The following WDHD1 variants were observed in gnomAD, a reference collection of about 807,000 sequenced individuals.
The protein encoded by WDHD1 is WD repeat and HMG-box DNA-binding protein 1.
Under a neutral mutation model 135.4 loss-of-function variants are expected in WDHD1, and 111 were observed. That is an observed-to-expected ratio of 0.82 (90% CI 0.70 to 0.96). The LOEUF is 0.96. Among genes scored for constraint, WDHD1 ranks in the 40% least tolerant of loss-of-function variants. The pLI is 0.00. For synonymous variants in WDHD1, 434 were observed against 439.0 expected (o/e 0.99, Z 0.14); for missense variants, 1,351 against 1,336.3 (o/e 1.01, Z -0.17).
intron 11 of WDHD1, among the ~76,000 whole-genome samples, chr14:54,993,025 G>C (rs1227593880): frequency 1.3e-5 from 2 of 152,266 alleles, no homozygotes; most frequent in Non-Finnish European, 2.9e-5. Context: ...ATAAACTTCA[G>C]TGAACCAATA....
In WDHD1 at chr14:54,996,948, T is replaced by C. The variant is rs113647648; in HGVS notation, c.943-1135A>G. Among the ~76,000 whole-genome samples the C allele has an allele frequency of 2.3e-3, 349 of 151,310 alleles. 2 individuals carry two copies. The highest frequency in any genetic ancestry group is 7.3e-3 in the African/African-American group (300 of 41,200). On this transcript the variant is annotated intron_variant, in intron 10 of 25. Transcript: ENST00000360586. ...CTGGGACTACAGGCGCATGCCACCATGCCCAGCTAATTTTTGTATTTTTAG... is the reference window on the plus strand; with the variant it reads ...CTGGGACTACAGGCGCATGCCACCACGCCCAGCTAATTTTTGTATTTTTAG...
chr14:54,951,848 A>C (rs1187691370), intron 24 of WDHD1, among the ~76,000 whole-genome samples: 1 of 152,228 alleles, frequency 6.6e-6, no homozygotes, highest in Non-Finnish European at 1.5e-5. Context: ...TCGCAAATAA[A>C]TAAACGTAAT....
intron 24 of WDHD1, among the ~76,000 whole-genome samples, chr14:54,949,579 C>G (rs1052870493): frequency 2.0e-5 from 3 of 152,212 alleles, no homozygotes; most frequent in Admixed American, 1.3e-4. Flanking sequence ...AAACACTCTG[C>G]AGGATACTAT....
intron 21 of WDHD1, among the ~76,000 whole-genome samples, chr14:54,959,221 A>G (rs2041208313): frequency 6.6e-6 from 1 of 151,954 alleles, no homozygotes; most frequent in Non-Finnish European, 1.5e-5. Context: ...AAAAAACAAC[A>G]AAACAAAAAA....
chr14:54,963,703 G>C (rs1342911783), intron 18 of WDHD1, among the ~76,000 whole-genome samples: 2 of 151,442 alleles, frequency 1.3e-5, no homozygotes, highest in African/African-American at 2.4e-5. Context: ...GGGAAGCTGA[G>C]GCAGGAGAAT....
chr14:54,990,826 A>G (rs1290393856), intron 12 of WDHD1, among the ~76,000 whole-genome samples: 2 of 152,144 alleles, frequency 1.3e-5, no homozygotes, highest in Non-Finnish European at 2.9e-5. Context: ...ACCTTCTAAT[A>G]TATTATACTA....
chr14:54,999,739 T>C (rs2041949015), intron 10 of WDHD1, among the ~76,000 whole-genome samples: 1 of 152,090 alleles, frequency 6.6e-6, no homozygotes, highest in South Asian at 2.1e-4. Context: ...AGCATGAAAC[T>C]ACAGGCACAC....
chr14:54,962,786 C>T lies in WDHD1; in HGVS notation c.2599G>A (p.Asp867Asn), dbSNP rs751681428. The T allele has an allele frequency of 2.5e-6, 4 of 1,613,738 alleles. No individual in the cohort carries two copies. The highest frequency in any genetic ancestry group is 3.4e-6 in the Non-Finnish European group (4 of 1,180,022). Residue 867 changes from aspartate (D) to asparagine (N), a missense_variant, in exon 20 of 26, where the codon GAC becomes AAC. This residue lies in a region of WDHD1 where 1,330 missense variants were observed against 1,296.1 expected (regional missense o/e 1.03). Transcript: ENST00000360586. ...FRNQVEEDAEDSGEADDEEKP... is the reference protein window; with the variant it reads ...FRNQVEEDAENSGEADDEEKP... ...TCTTCATCATCAGCTTCTCCACTGT[C>T]CTCAGCATCTTCTTCAACTTGATTT...
chr14:55,008,857 G>A (rs2042117512), intron 4 of WDHD1, 138 bp from the exon 5 acceptor site: 4 of 624,948 alleles, frequency 6.4e-6, no homozygotes, highest in Non-Finnish European at 5.2e-6. Context: ...CTGGAGTGCA[G>A]TGGTGCGATC....
intron 24 of WDHD1, among the ~76,000 whole-genome samples, chr14:54,950,737 A>C (rs936485988): frequency 1.2e-4 from 18 of 152,220 alleles, no homozygotes; most frequent in African/African-American, 4.8e-5. Flanking sequence ...CACTGACCAC[A>C]TAGTTGGAAG....
chr14:54,954,572 G>A (rs1030400900), intron 24 of WDHD1, among the ~76,000 whole-genome samples: 13 of 152,208 alleles, frequency 8.5e-5, no homozygotes, highest in South Asian at 6.2e-4. Context: ...GCAAAAGACC[G>A]GTAACCATCT....
At chr14:54,989,356 T>G in intron 12 of WDHD1, 144 bp from the exon 13 acceptor site, 1 of 555,340 alleles carries the variant, frequency 1.8e-6, no homozygotes, top group East Asian at 3.0e-5. Flanking sequence ...CTCATCTATC[T>G]CTAAATAGTT....
chr14:54,991,213 C>CGTATT lies in WDHD1; in HGVS notation c.1340_1341insAATAC (p.Met447IlefsTer22). ...AGTTAAGTGTAGATCCAAGTCTTAC[C>CGTATT]ATGAATCTGTGAGTGAGATGCAACG... On this transcript the variant is annotated frameshift_variant and splice_region_variant, in exon 12 of 26. Transcript: ENST00000360586. LOFTEE classifies it high-confidence loss of function. The CGTATT allele has an allele frequency of 6.4e-7, 1 of 1,559,020 alleles. No homozygotes were observed. Among genetic ancestry groups the CGTATT allele is most frequent in the Non-Finnish European group, 8.8e-7 (1 of 1,131,492 alleles).
intron 16 of WDHD1, among the ~76,000 whole-genome samples, chr14:54,968,566 C>CA (rs951945030): frequency 2.1e-4 from 32 of 151,552 alleles, no homozygotes; most frequent in African/African-American, 3.4e-4. Context: ...ATCAATAAAA[C>CA]AAAAAAAATT....
At chr14:54,989,751 C>G (rs2041754733) in intron 12 of WDHD1, among the ~76,000 whole-genome samples, 1 of 151,994 alleles carries the variant, frequency 6.6e-6, no homozygotes, top group African/African-American at 2.4e-5. Flanking sequence ...CCTCTGCCTC[C>G]TGGATTCAAG....
At chr14:54,975,198 C>A (rs2041505740) in intron 16 of WDHD1, among the ~76,000 whole-genome samples, 1 of 152,178 alleles carries the variant, frequency 6.6e-6, no homozygotes, top group Non-Finnish European at 1.5e-5. Context: ...GCAAATTAGA[C>A]TGTAACACAG....
chr14:54,992,437 C>T (rs371297691), intron 11 of WDHD1, among the ~76,000 whole-genome samples: 2 of 152,170 alleles, frequency 1.3e-5, no homozygotes, highest in East Asian at 3.8e-4. Flanking sequence ...TTGCAGTGAA[C>T]CGAGATCGTG....
chr14:54,952,852 A>C (rs192599525), intron 24 of WDHD1, among the ~76,000 whole-genome samples: 2,955 of 152,262 alleles, frequency 0.019, 71 homozygotes, highest in African/African-American at 0.058. Context: ...TTTGACAAAC[A>C]TGACAAAAAC....
chr14:54,982,048 C>A (rs1182438535), intron 15 of WDHD1, among the ~76,000 whole-genome samples: 1 of 151,188 alleles, frequency 6.6e-6, no homozygotes, highest in Non-Finnish European at 1.5e-5. Context: ...TGCTGTGTAC[C>A]CAGGCTGGAG....
Sources: allele counts gnomAD v4.1 joint callset (sites outside exome capture counted in the v4.1 genomes callset), GRCh38; gene constraint gnomAD v4.1.1; regional missense constraint gnomAD v4.1.1; transcripts MANE v1.5; gene names NCBI Gene and HGNC (gene_info 2026-07-23, HGNC 2026-07-21).